The following TRIP11 variants were observed in gnomAD, a reference collection of about 807,000 sequenced individuals.
TRIP11 encodes the protein thyroid hormone receptor interactor 11.
TRIP11 carries 148 observed loss-of-function variants against 223.1 expected under a neutral mutation model. The ratio of observed to expected loss-of-function variants is 0.66; its 90% CI spans 0.58 to 0.76. TRIP11 has a LOEUF of 0.76. TRIP11 is among the 30% of genes least tolerant of loss of function. The pLI is 0.00. For missense variants in TRIP11, 2,043 were observed against 2,222.0 expected (o/e 0.92, Z 1.62); for synonymous variants, 762 against 772.6 (o/e 0.99, Z 0.23).
intron 4 of TRIP11, among the ~76,000 whole-genome samples, chr14:92,019,098 A>G: frequency 6.6e-6 from 1 of 152,224 alleles, no homozygotes; most frequent in East Asian, 1.9e-4. Context: ...TAATGCAAAT[A>G]TTAATTTTTA....
At chr14:91,975,623 T>G (rs960209232) in intron 17 of TRIP11, among the ~76,000 whole-genome samples, 6 of 152,044 alleles carry the variant, frequency 3.9e-5, no homozygotes, top group South Asian at 2.1e-4. Flanking sequence ...AGCAGAAACT[T>G]AAATGGTGAT....
In TRIP11 at chr14:92,037,492, C is replaced by A. The variant is rs974410645; in HGVS notation, c.139+2055G>T. On this transcript the variant is annotated intron_variant, in intron 1 of 20. Transcript: ENST00000267622. The surrounding 1 kb of genome is among the most constrained non-coding windows in gnomAD (Gnocchi z 4.2). ...GTAGAGGCTTGAAGTTGTGTAAGTGCCTGACAAAATCCCACACGACAGAAG... is the reference window on the plus strand; with the variant it reads ...GTAGAGGCTTGAAGTTGTGTAAGTGACTGACAAAATCCCACACGACAGAAG... Among the ~76,000 whole-genome samples the A allele has an allele frequency of 1.3e-5, 2 of 152,152 alleles. No individual in the cohort carries two copies. The highest frequency in any genetic ancestry group is 4.8e-5 in the African/African-American group (2 of 41,428).
rs558440415 is a variant in TRIP11, at chr14:92,021,545, T to C, written c.588+11A>G. The C allele has an allele frequency of 1.9e-6, 3 of 1,613,588 alleles. No homozygotes were observed. Among genetic ancestry groups the C allele is most frequent in the South Asian group, 2.2e-5 (2 of 90,958 alleles). ...CAAAGTTTTCAAAAACTCTAAAAAA[T>C]TTTTATCTACCTGAGCAATATGCCT... is the stretch of plus-strand genomic sequence containing the variant. On this transcript the variant is annotated intron_variant, in intron 4 of 20. Transcript: ENST00000267622.
chr14:92,039,875 A>C lies in TRIP11; in HGVS notation c.-190T>G, dbSNP rs1293241931. The C allele has an allele frequency of 8.5e-7, 1 of 1,179,438 alleles. No individual in the cohort carries two copies. The allele number at this position is 1,179,438 out of a possible 1,614,324, so 73.1% of individuals were successfully genotyped here. On this transcript the variant is annotated 5_prime_UTR_variant, in exon 1 of 21. Coordinates refer to ENST00000267622, the MANE Select transcript of TRIP11 (RefSeq NM_004239.4). ...ACGCAGAGGCCTGGCCTGGAATTTT[A>C]CCAGGGGCCCGCCTCTAGTGACACA...
intron 2 of TRIP11, among the ~76,000 whole-genome samples, chr14:92,029,090 C>A (rs1012908174): frequency 6.6e-6 from 1 of 152,056 alleles, no homozygotes; most frequent in Non-Finnish European, 1.5e-5. Context: ...GCAAAATCAA[C>A]TTGTATTTTC....
At position 92,005,114 on chromosome 14, in the gene TRIP11, G is replaced by A. The variant is rs905610606; in HGVS notation, c.2862C>T (p.His954=). 1.4e-5 allele frequency: 22 copies of A among 1,613,582 alleles called. No individual in the cohort carries two copies. The highest frequency in any genetic ancestry group is 2.7e-5 in the African/African-American group (2 of 75,038). ...RYQHEQMNAT[H]TQLFLEKDEE... ...CATCCTTCTCTAAAAAGAGCTGGGTGTGTGTGGCGTTCATTTGCTCATGCT... is the reference window on the plus strand; with the variant it reads ...CATCCTTCTCTAAAAAGAGCTGGGTATGTGTGGCGTTCATTTGCTCATGCT... Residue 954 remains histidine, a synonymous_variant, in exon 11 of 21, where the codon CAC becomes CAT. Transcript: ENST00000267622.
chr14:91,999,341 A>AT lies in TRIP11; in HGVS notation c.4790_4791insA (p.Glu1598Ter). 1 of 1,613,968 alleles carries AT rather than the reference A, an allele frequency of 6.2e-7. No individual in the cohort carries two copies. The highest frequency in any genetic ancestry group is 1.1e-5 in the South Asian group (1 of 91,084). On this transcript the variant is annotated frameshift_variant, in exon 13 of 21. Coordinates refer to ENST00000267622, the MANE Select transcript of TRIP11 (RefSeq NM_004239.4). LOFTEE classifies it high-confidence loss of function. ...CTCTATCTTCTGCAGCCAAAGCTTC[A>AT]CGGGTATAAGAATCTTCTGATTCTA...
chr14:91,969,604 G>T lies in TRIP11; in HGVS notation c.*69C>A. On this transcript the variant is annotated 3_prime_UTR_variant, in exon 21 of 21. Transcript: ENST00000267622. Reference sequence around the variant, plus strand: ...ACTTTCTCCCCAAAGGCCACTTTGTGATAAAGTACATACATATAGTGTTCA... The same window carrying T: ...ACTTTCTCCCCAAAGGCCACTTTGTTATAAAGTACATACATATAGTGTTCA... 1 of 1,496,060 alleles carries T rather than the reference G, an allele frequency of 6.7e-7. No individual in the cohort carries two copies. The highest frequency in any genetic ancestry group is 9.3e-7 in the Non-Finnish European group (1 of 1,075,032). The allele number at this position is 1,496,060 out of a possible 1,614,324, so 92.7% of individuals were successfully genotyped here.
Position 91,978,963 on chromosome 14 carries a change from T to G in TRIP11, c.5261-2774A>C, listed in dbSNP as rs952426560. On this transcript the variant is annotated intron_variant, in intron 16 of 20. Transcript: ENST00000267622. This position sits in a 1 kb window ranked among gnomAD's most constrained non-coding sequence, Gnocchi z 4.4. ...AACACTACTCTATACTATCTCTTATTTTAAAAAGAGAGGCTGGGCGCAGTG... is the reference window on the plus strand; with the variant it reads ...AACACTACTCTATACTATCTCTTATGTTAAAAAGAGAGGCTGGGCGCAGTG... Among the ~76,000 whole-genome samples, 2 of 152,026 alleles carry G rather than the reference T, an allele frequency of 1.3e-5. No homozygotes were observed. The highest frequency in any genetic ancestry group is 4.8e-5 in the African/African-American group (2 of 41,384).
intron 2 of TRIP11, chr14:92,026,612 A>T: frequency 8.0e-7 from 1 of 1,249,004 alleles, no homozygotes; most frequent in East Asian, 2.3e-5. Flanking sequence ...ACCACCAAGG[A>T]CTTAAAGGAG....
At chr14:91,988,231 T>C in intron 16 of TRIP11, 53 bp downstream of exon 16, 17 of 1,411,240 alleles carry the variant, frequency 1.2e-5, no homozygotes, top group Non-Finnish European at 1.7e-5. Flanking sequence ...AAGACTACAT[T>C]TGATTTAATA....
chr14:92,033,191 CCT>C lies in TRIP11; in HGVS notation c.200_201del (p.Asn68Ter). 6.2e-7 allele frequency: 1 copy of C among 1,612,374 alleles called. No homozygotes were observed. Among genetic ancestry groups the C allele is most frequent in the Non-Finnish European group, 8.5e-7 (1 of 1,178,856 alleles). On this transcript the variant is annotated frameshift_variant and splice_region_variant, in exon 2 of 21. Transcript: ENST00000267622. LOFTEE classifies it high-confidence loss of function. ...TCTAAGTAGTCTTTGATTTTTCTTA[CCT>C]CTGATCTCAAGATTGCATGAATGGC... is the stretch of plus-strand genomic sequence containing the variant. The part of the protein sequence containing the change: ...IEAIHAILRS[E>X]NERLKKLCTD...
At position 92,021,737 on chromosome 14, in the gene TRIP11, C is replaced by T; in HGVS notation, c.407G>A (p.Gly136Asp). The T allele has an allele frequency of 6.2e-7, 1 of 1,614,180 alleles. No individual in the cohort carries two copies. ...AGATGATGCAGTGGTTGCTGGTACA[C>T]CAGCTCCTGAAGGTACTGACTGAGC... ...SAAQSVPSGA[G>D]VPATTASSSF... Residue 136 changes from glycine (G) to aspartate (D), a missense_variant, in exon 4 of 21, where the codon GGT (glycine) becomes GAT (aspartate). Coordinates refer to ENST00000267622, the MANE Select transcript of TRIP11 (RefSeq NM_004239.4).
In TRIP11 at chr14:92,004,100, C is replaced by A; in HGVS notation, c.3876G>T (p.Gln1292His). 1 of 1,614,166 alleles carries A rather than the reference C, an allele frequency of 6.2e-7. No homozygotes were observed. The change falls in exon 11 of 21, where the codon CAG becomes CAT. Residue 1292 changes from glutamine to histidine, a missense_variant. Gln to His is a conservative substitution (Grantham distance 24). Coordinates refer to ENST00000267622, the MANE Select transcript of TRIP11 (RefSeq NM_004239.4). ...TATTGCAAAGCTGCCCAATGCTGTG[C>A]TGAACTTGTGCTAATTCCTGCCCAA... Reference protein sequence around the residue: ...KNFGQELAQVQHSIGQLCNTK... With the variant: ...KNFGQELAQVHHSIGQLCNTK...
At position 92,005,621 on chromosome 14, in the gene TRIP11, C is replaced by G. The variant is rs373362974; in HGVS notation, c.2355G>C (p.Met785Ile). The G allele has an allele frequency of 1.2e-6, 2 of 1,613,930 alleles. No homozygotes were observed. Among genetic ancestry groups the G allele is most frequent in the Non-Finnish European group, 1.7e-6 (2 of 1,180,000 alleles). The change falls in exon 11 of 21, where the codon ATG (methionine) becomes ATC (isoleucine). Residue 785 changes from methionine to isoleucine, a missense_variant. Met to Ile is a conservative substitution (Grantham distance 10, BLOSUM62 1). Transcript: ENST00000267622. ...CCTTAGTTTCTTTATGGTCAGTATC[C>G]ATTTGTTCAATATTCTTTTTGAGTT... ...IAELKKNIEQ[M>I]DTDHKETKDV...
chr14:92,030,879 A>G (rs1200855514), intron 2 of TRIP11: 1 of 146,512 alleles, frequency 6.8e-6, no homozygotes, highest in Admixed American at 6.7e-5. Context: ...GAAATTATAG[A>G]GCAAAGATGA....
intron 9 of TRIP11, among the ~76,000 whole-genome samples, chr14:92,009,801 C>T (rs1232042777): frequency 6.6e-6 from 1 of 152,112 alleles, no homozygotes; most frequent in Non-Finnish European, 1.5e-5. Flanking sequence ...AATATGCTGA[C>T]ATTTGTATTT....
chr14:92,018,241 C>CTTCCA (rs2057061489), intron 4 of TRIP11, among the ~76,000 whole-genome samples: 2 of 151,830 alleles, frequency 1.3e-5, no homozygotes, highest in Non-Finnish European at 2.9e-5. Flanking sequence ...ACTACAAGCA[C>CTTCCA]ATGCCAGCAT....
chr14:91,974,779 G>T, intron 18 of TRIP11, 36 bp from the exon 19 acceptor site: 17 of 1,401,806 alleles, frequency 1.2e-5, no homozygotes, highest in Non-Finnish European at 1.6e-5. Context: ...AATATTATCA[G>T]TACAAGAAAA....
Sources: allele counts gnomAD v4.1 joint callset (sites outside exome capture counted in the v4.1 genomes callset), GRCh38; gene constraint gnomAD v4.1.1; non-coding constraint Gnocchi (gnomAD v3.1); transcripts MANE v1.5; gene names NCBI Gene and HGNC (gene_info 2026-07-23, HGNC 2026-07-21).